Variants in DDHD1 observed in about 807,000 individuals in gnomAD.
DDHD1 encodes the protein DDHD domain containing 1.
A neutral mutation model predicts 96.4 loss-of-function variants in DDHD1; 49 were observed. That is an observed-to-expected ratio of 0.51 (90% CI 0.40 to 0.64). The LOEUF is 0.64. Among genes scored for constraint, DDHD1 ranks in the 30% least tolerant of loss-of-function variants. The pLI, the probability that DDHD1 is intolerant of heterozygous loss-of-function variation, is 0.00. For missense variants in DDHD1, 1,106 were observed against 1,161.2 expected (o/e 0.95, Z 0.69); for synonymous variants, 442 against 446.5 (o/e 0.99, Z 0.13).
chr14:53,125,330 T>C (rs960480908), intron 1 of DDHD1, among the ~76,000 whole-genome samples: 1 of 152,186 alleles, frequency 6.6e-6, no homozygotes, highest in Non-Finnish European at 1.5e-5. Context: ...CAGAATTTTA[T>C]ATGCTTAGGG....
intron 4 of DDHD1, among the ~76,000 whole-genome samples, chr14:53,091,518 A>G (rs1057204291): frequency 6.6e-6 from 1 of 152,194 alleles, no homozygotes; most frequent in Non-Finnish European, 1.5e-5. Flanking sequence ...TTAGATTATA[A>G]ATTAACTTAA....
At chr14:53,067,457 C>T (rs565579138) in intron 6 of DDHD1, among the ~76,000 whole-genome samples, 18 of 148,848 alleles carry the variant, frequency 1.2e-4, no homozygotes, top group East Asian at 9.8e-4. Context: ...CATGTCTAGC[C>T]TCTTTTTTTT....
chr14:53,071,585 G>A (rs553306998), intron 6 of DDHD1, among the ~76,000 whole-genome samples: 1 of 152,162 alleles, frequency 6.6e-6, no homozygotes, highest in East Asian at 1.9e-4. Flanking sequence ...TTAACCAGCT[G>A]ATTCAGTATA....
intron 4 of DDHD1, among the ~76,000 whole-genome samples, chr14:53,083,059 T>C (rs914211321): frequency 2.0e-5 from 3 of 152,210 alleles, no homozygotes; most frequent in African/African-American, 2.4e-5. Flanking sequence ...TCAGCCTTTT[T>C]ACTCCATATT....
At chr14:53,129,129 A>C (rs753360081) in intron 1 of DDHD1, among the ~76,000 whole-genome samples, 1 of 152,172 alleles carries the variant, frequency 6.6e-6, no homozygotes, top group Admixed American at 6.5e-5. Flanking sequence ...CTTGTTGCTC[A>C]CACAAAGCCT....
chr14:53,062,179 A>C, intron 7 of DDHD1, among the ~76,000 whole-genome samples: 1 of 151,638 alleles, frequency 6.6e-6, no homozygotes, highest in East Asian at 1.9e-4. Context: ...AATTATTTTG[A>C]CACTATAATA....
intron 1 of DDHD1, among the ~76,000 whole-genome samples, chr14:53,138,457 T>C (rs1890398926): frequency 6.6e-6 from 1 of 152,104 alleles, no homozygotes; most frequent in Non-Finnish European, 1.5e-5. Context: ...AAAGATTGTA[T>C]TTTGGTGTTT....
intron 1 of DDHD1, among the ~76,000 whole-genome samples, chr14:53,148,017 T>G (rs1001798495): frequency 1.3e-5 from 2 of 152,232 alleles, no homozygotes; most frequent in Admixed American, 1.3e-4. Flanking sequence ...CTCATTTTAT[T>G]GGTAATATAA....
intron 12 of DDHD1, among the ~76,000 whole-genome samples, chr14:53,047,440 T>G (rs1446949788): frequency 6.6e-6 from 1 of 152,208 alleles, no homozygotes; most frequent in Non-Finnish European, 1.5e-5. Context: ...GATAACCATC[T>G]GTGTACAATC....
Position 53,093,492 on chromosome 14 carries a change from T to C in DDHD1, c.1013-48A>G, listed in dbSNP as rs753647898. The C allele has an allele frequency of 7.6e-6, 12 of 1,586,376 alleles. No homozygotes were observed. The South Asian group carries it at 1.1e-4, about 14-fold the overall frequency. ...ATTTGAAGGTCTCCAAGACAAACTT[T>C]ATTTGTTTGAAGAATTATAACACTC... On this transcript the variant is annotated intron_variant, in intron 2 of 12. Coordinates refer to ENST00000673822, the MANE Select transcript of DDHD1 (RefSeq NM_001160148.2).
rs978717532 is a variant in DDHD1, at chr14:53,152,509, A to G, written c.590T>C (p.Leu197Pro). The change falls in exon 1 of 13, where the codon CTG becomes CCG. Residue 197 changes from leucine to proline, a missense_variant. Around this residue, in one of 2 missense-constraint regions of DDHD1, gnomAD observed 456 missense variants for 402.4 expected, o/e 1.13. Coordinates refer to ENST00000673822, the MANE Select transcript of DDHD1 (RefSeq NM_001160148.2). ...GGGCCGGGCACCCGTGGTCTGCAGC[A>G]GGGTCCGGAAGGCGAGCTCGATGCG... Reference protein sequence around the residue: ...SLRIELAFRTLLQTTGARPQG... With the variant: ...SLRIELAFRTPLQTTGARPQG... 1.2e-6 allele frequency: 2 copies of G among 1,613,236 alleles called. No homozygotes were observed. Among genetic ancestry groups the G allele is most frequent in the Non-Finnish European group, 1.7e-6 (2 of 1,179,852 alleles).
intron 1 of DDHD1, among the ~76,000 whole-genome samples, chr14:53,113,339 T>C (rs542484789): frequency 7.3e-5 from 11 of 150,080 alleles, no homozygotes; most frequent in African/African-American, 2.2e-4. Flanking sequence ...CCATTCTATA[T>C]TTTCTTTTTC....
intron 12 of DDHD1, among the ~76,000 whole-genome samples, chr14:53,049,387 T>C (rs1882331682): frequency 6.6e-6 from 1 of 152,134 alleles, no homozygotes; most frequent in Admixed American, 6.5e-5. Context: ...ACCTCACATC[T>C]ATGTTGGTTA....
At chr14:53,128,100 A>G (rs559933176) in intron 1 of DDHD1, among the ~76,000 whole-genome samples, 1 of 152,148 alleles carries the variant, frequency 6.6e-6, no homozygotes, top group Non-Finnish European at 1.5e-5. Flanking sequence ...TCCTCCTACC[A>G]TGTGAAGAAG....
intron 8 of DDHD1, among the ~76,000 whole-genome samples, chr14:53,059,524 T>C (rs940842266): frequency 3.4e-5 from 5 of 148,884 alleles, no homozygotes; most frequent in East Asian, 2.1e-4. Context: ...GGATTACAGG[T>C]GTGAGCCACC....
rs2139777220 is a variant in DDHD1 at position 53,037,427 on chromosome 14, C to A, written c.*9341G>T. ...ACCTTACTGGCATGTTATTAGACTT[C>A]TTTACAATAGCCATTCTAACTGGTG... On this transcript the variant is annotated 3_prime_UTR_variant, in exon 13 of 13. Coordinates refer to ENST00000673822, the MANE Select transcript of DDHD1 (RefSeq NM_001160148.2). 6.6e-6 allele frequency: 1 copy of A among 152,158 alleles called. No individual in the cohort carries two copies. Among genetic ancestry groups the A allele is most frequent in the East Asian group, 1.9e-4 (1 of 5,174 alleles). 9.4% of individuals were successfully genotyped at this position (152,158 alleles called of 1,614,324 possible).
At chr14:53,135,224 T>G (rs1466952069) in intron 1 of DDHD1, among the ~76,000 whole-genome samples, 1 of 152,124 alleles carries the variant, frequency 6.6e-6, no homozygotes, top group Non-Finnish European at 1.5e-5. Flanking sequence ...AAGATGACAT[T>G]CCTCCATTGT....
chr14:53,064,367 T>C (rs117034105), intron 6 of DDHD1, among the ~76,000 whole-genome samples: 4,879 of 152,198 alleles, frequency 0.032, 118 homozygotes, highest in Non-Finnish European at 0.051. Flanking sequence ...CTAAAAGATA[T>C]ATACTTTAGT....
At chr14:53,146,241 C>T (rs1170808875) in intron 1 of DDHD1, among the ~76,000 whole-genome samples, 1 of 146,480 alleles carries the variant, frequency 6.8e-6, no homozygotes, top group Non-Finnish European at 1.5e-5. Context: ...CGGTGGCTTA[C>T]ACCTGTAATC....
Sources: allele counts gnomAD v4.1 joint callset (sites outside exome capture counted in the v4.1 genomes callset), GRCh38; gene constraint gnomAD v4.1.1; regional missense constraint gnomAD v4.1.1; transcripts MANE v1.5; gene names NCBI Gene and HGNC (gene_info 2026-07-23, HGNC 2026-07-21).